DENND4C: variants seen among roughly 807,000 people sequenced by gnomAD.
The protein encoded by DENND4C is DENN domain-containing protein 4C.
A neutral mutation model predicts 203.0 loss-of-function variants in DENND4C; 108 were observed. That is an observed-to-expected ratio of 0.53 (90% CI 0.46 to 0.62). The LOEUF is 0.62. DENND4C is among the 20% of genes least tolerant of loss of function. The probability of loss-of-function intolerance (pLI) is 0.00; values close to 1 mark genes in which losing one functional copy is unlikely to be tolerated. For missense variants in DENND4C, 2,481 were observed against 2,301.2 expected (o/e 1.08, Z -1.60); for synonymous variants, 871 against 792.4 (o/e 1.10, Z -1.67).
At chr9:19,277,477 G>A (rs1202216656) in intron 2 of DENND4C, among the ~76,000 whole-genome samples, 1 of 152,034 alleles carries the variant, frequency 6.6e-6, no homozygotes, top group African/African-American at 2.4e-5. Flanking sequence ...GTTTGTTGCT[G>A]GTGTATAGAA....
chr9:19,368,676 C>T (rs547745454), intron 30 of DENND4C, among the ~76,000 whole-genome samples: 1 of 152,030 alleles, frequency 6.6e-6, no homozygotes, highest in African/African-American at 2.4e-5. Context: ...GTGGCATGCC[C>T]CTGTAGCCTC....
intron 25 of DENND4C, 93 bp from the exon 26 acceptor site, chr9:19,352,397 G>A: frequency 7.7e-7 from 1 of 1,298,178 alleles, no homozygotes; most frequent in Non-Finnish European, 1.0e-6. Context: ...AATTTGATCA[G>A]TAGAATAAAA....
chr9:19,343,512 T>A (rs898775711), intron 22 of DENND4C, among the ~76,000 whole-genome samples: 1 of 152,258 alleles, frequency 6.6e-6, no homozygotes, highest in Non-Finnish European at 1.5e-5. Flanking sequence ...GAAATTAATT[T>A]GTTCAGCTTC....
intron 1 of DENND4C, among the ~76,000 whole-genome samples, chr9:19,269,745 T>C (rs1024173207): frequency 3.7e-4 from 56 of 152,226 alleles, no homozygotes; most frequent in African/African-American, 1.3e-3. Flanking sequence ...CATTCCAGGA[T>C]TGGTCACTGG....
At chr9:19,321,348 G>A (rs1029856541) in intron 12 of DENND4C, among the ~76,000 whole-genome samples, 3 of 152,114 alleles carry the variant, frequency 2.0e-5, no homozygotes, top group Non-Finnish European at 4.4e-5. Context: ...AATATGGAAT[G>A]TAAGGTAGAG....
intron 30 of DENND4C, among the ~76,000 whole-genome samples, chr9:19,367,832 T>G (rs1467088712): frequency 1.3e-5 from 2 of 152,220 alleles, no homozygotes; most frequent in Non-Finnish European, 2.9e-5. Flanking sequence ...AATGAAGTAC[T>G]GATATATGTA....
intron 1 of DENND4C, among the ~76,000 whole-genome samples, chr9:19,236,804 A>G (rs1165872754): frequency 6.6e-6 from 1 of 152,146 alleles, no homozygotes; most frequent in Non-Finnish European, 1.5e-5. Flanking sequence ...ACACCAGTCT[A>G]CTTTCAAATT....
intron 21 of DENND4C, among the ~76,000 whole-genome samples, chr9:19,342,028 G>A (rs1238752590): frequency 1.3e-5 from 2 of 151,502 alleles, no homozygotes; most frequent in Non-Finnish European, 2.9e-5. Context: ...GGAGGCTGAG[G>A]CAGGAGAGTC....
intron 12 of DENND4C, among the ~76,000 whole-genome samples, chr9:19,322,083 G>A (rs972177528): frequency 6.6e-6 from 1 of 152,116 alleles, no homozygotes; most frequent in African/African-American, 2.4e-5. Flanking sequence ...TCATTTCGGG[G>A]TGCGGAGGGG....
chr9:19,282,720 T>C (rs2131024878), intron 2 of DENND4C, among the ~76,000 whole-genome samples: 1 of 134,022 alleles, frequency 7.5e-6, no homozygotes, highest in Middle Eastern at 3.6e-3. Context: ...TCTCTCTTTT[T>C]TTTTTTTTTT....
intron 1 of DENND4C, among the ~76,000 whole-genome samples, chr9:19,270,474 C>A (rs1308345508): frequency 6.6e-6 from 1 of 152,058 alleles, no homozygotes; most frequent in Non-Finnish European, 1.5e-5. Context: ...GAGCTCATAC[C>A]CAAGTTGCAA....
intron 26 of DENND4C, among the ~76,000 whole-genome samples, chr9:19,354,535 C>A (rs1360846119): frequency 3.5e-5 from 5 of 142,054 alleles, no homozygotes; most frequent in African/African-American, 5.2e-5. Context: ...CTCTTCATTA[C>A]TTGTTATTCT....
intron 1 of DENND4C, among the ~76,000 whole-genome samples, chr9:19,274,922 G>A (rs948685121): frequency 8.5e-5 from 13 of 152,142 alleles, no homozygotes; most frequent in African/African-American, 1.2e-4. Flanking sequence ...TCTGAATATT[G>A]TTCATTAAGT....
chr9:19,332,028 A>T lies in DENND4C; in HGVS notation c.2304A>T (p.Pro768=), dbSNP rs1419577067. 1 of 1,614,056 alleles carries T rather than the reference A, an allele frequency of 6.2e-7. No individual in the cohort carries two copies. Among genetic ancestry groups the T allele is most frequent in the Non-Finnish European group, 8.5e-7 (1 of 1,179,976 alleles). Residue 768 remains proline, a synonymous_variant, in exon 17 of 33, where the codon CCA becomes CCT. Transcript: ENST00000434457. Reference sequence around the variant, plus strand: ...CGAAGAGATGTTATACAAATCCACCACAGTGGGCCAAGTGTCTGTTTAGTC... The same window carrying T: ...CGAAGAGATGTTATACAAATCCACCTCAGTGGGCCAAGTGTCTGTTTAGTC... The part of the protein sequence containing the change: ...KLAKRCYTNP[P]QWAKCLFSHC...
chr9:19,320,995 T>C (rs955336823), intron 12 of DENND4C, among the ~76,000 whole-genome samples: 2 of 152,232 alleles, frequency 1.3e-5, no homozygotes, highest in African/African-American at 4.8e-5. Context: ...GAGAAAACCA[T>C]GTTTGAAATG....
At chr9:19,331,925 C>T in intron 16 of DENND4C, 53 bp from the exon 17 acceptor site, 1 of 1,483,904 alleles carries the variant, frequency 6.7e-7, no homozygotes. Flanking sequence ...CTCACTTCTC[C>T]CCTCACCCTA....
intron 20 of DENND4C, among the ~76,000 whole-genome samples, chr9:19,340,290 T>C (rs2131909461): frequency 6.6e-6 from 1 of 152,292 alleles, no homozygotes; most frequent in East Asian, 1.9e-4. Flanking sequence ...CCTACTAAGA[T>C]GTTCAGGATT....
chr9:19,322,217 G>C (rs1238395325), intron 12 of DENND4C, among the ~76,000 whole-genome samples: 1 of 152,138 alleles, frequency 6.6e-6, no homozygotes, highest in Non-Finnish European at 1.5e-5. Flanking sequence ...AGGTATAAGT[G>C]CTTCTGATCT....
At chr9:19,354,621 C>A (rs565702952) in intron 26 of DENND4C, among the ~76,000 whole-genome samples, 3 of 131,102 alleles carry the variant, frequency 2.3e-5, no homozygotes, top group Non-Finnish European at 3.1e-5. Context: ...ATGGCACAAT[C>A]TTGGCCTACA....
Sources: allele counts gnomAD v4.1 joint callset (sites outside exome capture counted in the v4.1 genomes callset), GRCh38; gene constraint gnomAD v4.1.1; transcripts MANE v1.5; gene names NCBI Gene and HGNC (gene_info 2026-07-23, HGNC 2026-07-21).